The following RAI14 variants were observed in gnomAD, a reference collection of about 807,000 sequenced individuals.
The protein encoded by RAI14 is retinoic acid induced 14.
In RAI14, 45 loss-of-function variants were observed where a neutral mutation model predicts 115.4. The observed-to-expected ratio is 0.39, with a 90% CI of 0.31 to 0.50. The LOEUF (loss-of-function observed/expected upper bound fraction) is 0.50, where lower values mean the gene tolerates loss of function less well. Ranked by LOEUF, RAI14 falls within the 20% of genes least tolerant of loss-of-function variation. The probability of loss-of-function intolerance (pLI) is 0.85; values close to 1 mark genes in which losing one functional copy is unlikely to be tolerated. For synonymous variants in RAI14, 371 were observed against 415.4 expected, an observed-to-expected ratio of 0.89 and a Z score of 1.30; for missense variants, 939 against 1,131.2, an observed-to-expected ratio of 0.83 and a Z score of 2.44.
chr5:34,800,223 A>C (rs1009172620), intron 4 of RAI14, among the ~76,000 whole-genome samples: 1 of 152,218 alleles, frequency 6.6e-6, no homozygotes, highest in African/African-American at 2.4e-5. Flanking sequence ...GTTTTAGGGA[A>C]AGGTGCCCTG....
At chr5:34,774,009 A>G (rs1253198185) in intron 3 of RAI14, among the ~76,000 whole-genome samples, 1 of 152,206 alleles carries the variant, frequency 6.6e-6, no homozygotes, top group Non-Finnish European at 1.5e-5. Flanking sequence ...TGCAGATGAT[A>G]TGATTTTATA....
At chr5:34,809,073 C>T (rs1314592140) in intron 7 of RAI14, among the ~76,000 whole-genome samples, 1 of 152,156 alleles carries the variant, frequency 6.6e-6, no homozygotes, top group Admixed American at 6.5e-5. Context: ...AAGTATTGGG[C>T]AAATTCTATT....
intron 2 of RAI14, chr5:34,687,936 A>G (rs1397408868): frequency 4.2e-6 from 4 of 953,888 alleles, no homozygotes; most frequent in Non-Finnish European, 6.2e-6. Flanking sequence ...GCATCATGAC[A>G]TGTAACTTAC....
chr5:34,715,827 T>G (rs1580000559), intron 2 of RAI14, among the ~76,000 whole-genome samples: 1 of 152,312 alleles, frequency 6.6e-6, no homozygotes, highest in South Asian at 2.1e-4. Flanking sequence ...AGGTGGTCAG[T>G]AAAACTGTCG....
At chr5:34,809,380 A>G (rs2150252169) in intron 7 of RAI14, among the ~76,000 whole-genome samples, 1 of 152,336 alleles carries the variant, frequency 6.6e-6, no homozygotes, top group African/African-American at 2.4e-5. Flanking sequence ...TAGAAAACGT[A>G]GCATTCCTAT....
intron 12 of RAI14, among the ~76,000 whole-genome samples, chr5:34,818,423 CTT>C (rs1756493727): frequency 6.6e-6 from 1 of 152,312 alleles, no homozygotes; most frequent in South Asian, 2.1e-4. Flanking sequence ...TAGAACTTCT[CTT>C]TGACTTCATT....
chr5:34,818,734 T>C (rs945672621), intron 12 of RAI14, 63 bp from the exon 13 acceptor site: 25 of 1,416,410 alleles, frequency 1.8e-5, no homozygotes, highest in Non-Finnish European at 2.4e-5. Context: ...GAAAGTCTGC[T>C]TGATTCTTTT....
intron 3 of RAI14, among the ~76,000 whole-genome samples, chr5:34,792,757 A>G (rs1753080168): frequency 6.6e-6 from 1 of 152,340 alleles, no homozygotes; most frequent in South Asian, 2.1e-4. Flanking sequence ...AAGACTATCT[A>G]TCCTTATAGA....
At chr5:34,740,681 G>A (rs985542207) in intron 2 of RAI14, among the ~76,000 whole-genome samples, 2 of 152,146 alleles carry the variant, frequency 1.3e-5, no homozygotes, top group African/African-American at 2.4e-5. Flanking sequence ...GCACATGCTC[G>A]TCTGAAGCCC....
chr5:34,822,069 A>G (rs1032467135), intron 14 of RAI14, among the ~76,000 whole-genome samples: 2 of 150,556 alleles, frequency 1.3e-5, no homozygotes, highest in African/African-American at 4.8e-5. Flanking sequence ...TTATACACAT[A>G]GTATGATCAG....
chr5:34,799,685 A>ATTTTTTTT (rs57115550), intron 4 of RAI14, among the ~76,000 whole-genome samples: 5 of 103,414 alleles, frequency 4.8e-5, no homozygotes, highest in African/African-American at 1.2e-4. Context: ...ATCTGTTAGC[A>ATTTTTTTT]TTTTTTTTTT....
chr5:34,757,048 C>A (rs1747980829), intron 2 of RAI14, among the ~76,000 whole-genome samples: 1 of 152,112 alleles, frequency 6.6e-6, no homozygotes, highest in Non-Finnish European at 1.5e-5. Flanking sequence ...CCTCGGGTAA[C>A]CTTGAGCTGC....
chr5:34,736,561 G>T (rs1744906286), intron 2 of RAI14, among the ~76,000 whole-genome samples: 1 of 152,008 alleles, frequency 6.6e-6, no homozygotes, highest in Non-Finnish European at 1.5e-5. Context: ...TCAATTGTGG[G>T]TTAGCTTTTT....
chr5:34,765,582 G>A (rs1038208992), intron 3 of RAI14, among the ~76,000 whole-genome samples: 1 of 152,182 alleles, frequency 6.6e-6, no homozygotes, highest in African/African-American at 2.4e-5. Context: ...TTTCTAAGTA[G>A]CAAAGCATTT....
At chr5:34,777,294 A>G (rs1250426027) in intron 3 of RAI14, among the ~76,000 whole-genome samples, 4 of 152,228 alleles carry the variant, frequency 2.6e-5, no homozygotes, top group Non-Finnish European at 5.9e-5. Context: ...CAATAAATAG[A>G]TAAAGAAAAT....
chr5:34,803,386 A>G (rs953394508), intron 4 of RAI14, among the ~76,000 whole-genome samples: 2 of 152,164 alleles, frequency 1.3e-5, no homozygotes, highest in African/African-American at 2.4e-5. Context: ...CATCTCTACA[A>G]AAAATACAAA....
intron 3 of RAI14, among the ~76,000 whole-genome samples, chr5:34,772,278 G>A (rs968738776): frequency 2.6e-5 from 4 of 152,196 alleles, no homozygotes; most frequent in Non-Finnish European, 5.9e-5. Flanking sequence ...AGCTCTAATT[G>A]CAGAATGCCT....
At chr5:34,735,799 T>C (rs1744787231) in intron 2 of RAI14, among the ~76,000 whole-genome samples, 1 of 152,254 alleles carries the variant, frequency 6.6e-6, no homozygotes, top group African/African-American at 2.4e-5. Context: ...AGTTTTAGCA[T>C]GCAGAGAAAT....
chr5:34,755,895 G>A (rs1272340633), intron 2 of RAI14, among the ~76,000 whole-genome samples: 2 of 150,272 alleles, frequency 1.3e-5, no homozygotes, highest in African/African-American at 4.8e-5. Context: ...GGCACAGAAA[G>A]ATTATGGGTG....
Sources: gnomAD v4.1 joint callset for allele counts (sites outside exome capture counted in the v4.1 genomes callset) on GRCh38, gnomAD v4.1.1 for gene constraint, MANE v1.5 for transcripts, NCBI Gene and HGNC (gene_info 2026-07-23, HGNC 2026-07-21) for gene names.